The following TANC1 variants were observed in gnomAD, a reference collection of about 807,000 sequenced individuals.
The protein encoded by TANC1 is protein TANC1.
TANC1 carries 77 observed loss-of-function variants against 149.7 expected under a neutral mutation model. The ratio of observed to expected loss-of-function variants is 0.51; its 90% CI spans 0.43 to 0.62. TANC1 has a LOEUF of 0.62. TANC1 is among the 20% of genes least tolerant of loss of function. The pLI is 0.00. For missense variants in TANC1, 1,985 were observed against 2,321.8 expected (o/e 0.85, Z 2.98); for synonymous variants, 854 against 925.0 (o/e 0.92, Z 1.39).
intron 1 of TANC1, among the ~76,000 whole-genome samples, chr2:158,985,454 G>T (rs991929047): frequency 1.3e-5 from 2 of 152,174 alleles, no homozygotes; most frequent in African/African-American, 4.8e-5. Flanking sequence ...TACAAAATAG[G>T]CAGGCGCTCT....
At chr2:159,013,359 A>T (rs1270905997) in intron 2 of TANC1, among the ~76,000 whole-genome samples, 2 of 152,230 alleles carry the variant, frequency 1.3e-5, no homozygotes, top group Non-Finnish European at 2.9e-5. Context: ...AACTTCACAG[A>T]ACATGAGAGT....
chr2:159,126,999 C>G (rs928110121), intron 4 of TANC1, among the ~76,000 whole-genome samples: 6 of 152,220 alleles, frequency 3.9e-5, no homozygotes, highest in African/African-American at 1.2e-4. Flanking sequence ...AAATGTTACT[C>G]AAGTTACTTT....
chr2:159,210,743 C>CTTTA (rs2058929232), intron 19 of TANC1, among the ~76,000 whole-genome samples: 1 of 151,838 alleles, frequency 6.6e-6, no homozygotes, highest in South Asian at 2.1e-4. Flanking sequence ...AATTTTTGTA[C>CTTTA]TTTTAATAGA....
In TANC1 at chr2:159,196,571, A is replaced by G. The variant is rs747834794; in HGVS notation, c.2980-37A>G. ...CATCTGCATGCTCAGAGGCAAAGTA[A>G]TGCTCAGCTGTAACCTTCCCCTACT... is the stretch of plus-strand genomic sequence containing the variant. On this transcript the variant is annotated intron_variant, in intron 17 of 26. Coordinates refer to ENST00000263635, the MANE Select transcript of TANC1 (RefSeq NM_033394.3). 6.4e-6 allele frequency: 10 copies of G among 1,554,634 alleles called. No homozygotes were observed. The South Asian group carries it at 8.4e-5, about 13-fold the overall frequency.
intron 7 of TANC1, 79 bp from the exon 8 acceptor site, chr2:159,163,204 G>A (rs1358474995): frequency 1.4e-6 from 2 of 1,393,936 alleles, no homozygotes; most frequent in Admixed American, 2.1e-5. Flanking sequence ...TGATCCTGGG[G>A]AGGGCAGTGT....
rs2150486427 is a variant in TANC1, at chr2:159,172,292, T to G, written c.1503+20T>G. ...TCTAAGGTAATCTTTCTTGTTTTAT[T>G]GGAGCCTTCCACATAGAGAGATTTG... is the stretch of plus-strand genomic sequence containing the variant. On this transcript the variant is annotated intron_variant, in intron 11 of 26. Coordinates refer to ENST00000263635, the MANE Select transcript of TANC1 (RefSeq NM_033394.3). 1 of 1,611,814 alleles carries G rather than the reference T, an allele frequency of 6.2e-7. No individual in the cohort carries two copies. The highest frequency in any genetic ancestry group is 8.5e-7 in the Non-Finnish European group (1 of 1,178,570).
At chr2:159,157,627 G>T (rs1355927748) in intron 7 of TANC1, among the ~76,000 whole-genome samples, 1 of 152,212 alleles carries the variant, frequency 6.6e-6, no homozygotes, top group African/African-American at 2.4e-5. Context: ...CTTAGTCACA[G>T]GAGGCAGTCT....
At chr2:159,097,495 G>A in intron 3 of TANC1, 142 bp from the exon 4 acceptor site, 2 of 663,338 alleles carry the variant, frequency 3.0e-6, no homozygotes, top group East Asian at 5.5e-5. Flanking sequence ...AAGAGTAGTG[G>A]GGGAAAAGTC....
intron 1 of TANC1, among the ~76,000 whole-genome samples, chr2:158,971,482 TGTGGGG>T (rs1312687590): frequency 6.6e-6 from 1 of 152,224 alleles, no homozygotes; most frequent in East Asian, 1.9e-4. Context: ...TTTATATATT[TGTGGGG>T]AGGATTTGTT....
chr2:159,120,963 C>A (rs1248372881), intron 4 of TANC1, among the ~76,000 whole-genome samples: 1 of 150,880 alleles, frequency 6.6e-6, no homozygotes, highest in African/African-American at 2.4e-5. Flanking sequence ...ATCTCAGGAT[C>A]CTTAACTTAG....
intron 3 of TANC1, among the ~76,000 whole-genome samples, chr2:159,087,019 G>T (rs917361853): frequency 4.6e-5 from 7 of 151,898 alleles, no homozygotes; most frequent in Admixed American, 4.6e-4. Context: ...TCCTTGCCCA[G>T]CATCCCAATC....
intron 19 of TANC1, among the ~76,000 whole-genome samples, chr2:159,204,799 A>G (rs2058491234): frequency 6.6e-6 from 1 of 152,246 alleles, no homozygotes. Flanking sequence ...GAGTTTAGTC[A>G]GGTAAATAAT....
Position 159,194,329 on chromosome 2 carries a change from C to T in TANC1, c.2815C>T (p.Leu939=). 1 of 1,614,258 alleles carries T rather than the reference C, an allele frequency of 6.2e-7. No individual in the cohort carries two copies. Among genetic ancestry groups the T allele is most frequent in the African/African-American group, 1.3e-5 (1 of 75,068 alleles). Residue 939 remains leucine (L), a synonymous_variant, in exon 17 of 27, where the codon CTG becomes TTG. Coordinates refer to ENST00000263635, the MANE Select transcript of TANC1 (RefSeq NM_033394.3). ...RTEVLNNAPI[L]CVQSHLGHEE... ...AGAAGTGTTAAATAATGCCCCAATC[C>T]TGTGCGTCCAGTCTCACCTTGGCCA... is the stretch of plus-strand genomic sequence containing the variant.
At chr2:158,974,867 G>A (rs943261652) in intron 1 of TANC1, among the ~76,000 whole-genome samples, 3 of 151,768 alleles carry the variant, frequency 2.0e-5, no homozygotes, top group African/African-American at 7.3e-5. Context: ...TAAGTAGCTG[G>A]GAGTACAGGT....
intron 4 of TANC1, among the ~76,000 whole-genome samples, chr2:159,105,985 GT>G (rs2047141342): frequency 6.8e-6 from 1 of 147,762 alleles, no homozygotes; most frequent in Admixed American, 6.7e-5. Flanking sequence ...AAAAAAAACT[GT>G]TTCTGGTTCG....
chr2:159,054,790 C>G (rs1158600104), intron 2 of TANC1, among the ~76,000 whole-genome samples: 1 of 152,220 alleles, frequency 6.6e-6, no homozygotes, highest in African/African-American at 2.4e-5. Context: ...GTGGCCTCCT[C>G]TGAGGGGTTC....
intron 11 of TANC1, among the ~76,000 whole-genome samples, chr2:159,174,354 G>T (rs2055611933): frequency 6.6e-6 from 1 of 152,136 alleles, no homozygotes; most frequent in Non-Finnish European, 1.5e-5. Flanking sequence ...GATGGGCAGA[G>T]ATTTGGTGAT....
intron 2 of TANC1, among the ~76,000 whole-genome samples, chr2:159,038,567 G>A (rs538804559): frequency 6.6e-6 from 1 of 152,316 alleles, no homozygotes; most frequent in East Asian, 1.9e-4. Context: ...ATGAAGGGCT[G>A]TTGAATTTTG....
intron 4 of TANC1, among the ~76,000 whole-genome samples, chr2:159,104,981 C>CTTTTTTT (rs146778655): frequency 2.3e-5 from 1 of 43,386 alleles, no homozygotes; most frequent in Admixed American, 2.7e-4. Flanking sequence ...TGGATATTTG[C>CTTTTTTT]TTTTTTTTTT....
Sources: allele counts gnomAD v4.1 joint callset (sites outside exome capture counted in the v4.1 genomes callset), GRCh38; gene constraint gnomAD v4.1.1; transcripts MANE v1.5; gene names NCBI Gene and HGNC (gene_info 2026-07-23, HGNC 2026-07-21).